The following MRAS variants were observed in gnomAD, a reference collection of about 807,000 sequenced individuals.
The protein encoded by MRAS is muscle RAS oncogene homolog.
A neutral mutation model predicts 20.9 loss-of-function variants in MRAS; 4 were observed. That is an observed-to-expected ratio of 0.19 (90% confidence interval 0.09 to 0.44). The LOEUF (loss-of-function observed/expected upper bound fraction) is 0.44, where lower values mean the gene tolerates loss of function less well. MRAS is among the 20% of genes least tolerant of loss of function. The probability of loss-of-function intolerance (pLI) is 0.99; values close to 1 mark genes in which losing one functional copy is unlikely to be tolerated. For synonymous variants in MRAS, 98 were observed against 102.9 expected, an observed-to-expected ratio of 0.95 and a Z score of 0.29; for missense variants, 154 against 277.5, an observed-to-expected ratio of 0.56 and a Z score of 3.16.
chr3:138,387,762 G>T (rs1451449146), intron 2 of MRAS, among the ~76,000 whole-genome samples: 1 of 152,126 alleles, frequency 6.6e-6, no homozygotes. Context: ...AGCATTGAGG[G>T]TTCTAGGTTC....
intron 1 of MRAS, among the ~76,000 whole-genome samples, chr3:138,351,177 G>A (rs1410155004): frequency 6.6e-6 from 1 of 152,126 alleles, no homozygotes; most frequent in African/African-American, 2.4e-5. Flanking sequence ...TTTAACCATT[G>A]TAATCTGTTC....
chr3:138,380,862 C>T lies in MRAS; in HGVS notation c.193+7786C>T, dbSNP rs1186098122. ...TCGGCTCACTGCAGCCTCCGCCTCC[C>T]GGGTTCAAGTGATTCTCCTGCCTCA... On this transcript the variant is annotated intron_variant, in intron 2 of 5. Coordinates refer to ENST00000423968, the MANE Select transcript of MRAS (RefSeq NM_001085049.3). Among the ~76,000 whole-genome samples, 7 of 150,370 alleles carry T rather than the reference C, an allele frequency of 4.7e-5. No homozygotes were observed. The East Asian group carries it at 9.9e-4, about 21-fold the overall frequency.
At chr3:138,355,886 G>A (rs900109792) in intron 1 of MRAS, among the ~76,000 whole-genome samples, 6 of 152,318 alleles carry the variant, frequency 3.9e-5, no homozygotes, top group East Asian at 1.9e-4. Flanking sequence ...AGCTGAGATC[G>A]CGCCACTGTG....
intron 2 of MRAS, 44 bp from the exon 3 acceptor site, chr3:138,397,280 A>C (rs1383717129): frequency 1.2e-6 from 2 of 1,603,194 alleles, no homozygotes; most frequent in African/African-American, 2.7e-5. Context: ...TGGGGGCTAC[A>C]GGGTAGGTGA....
Position 138,381,193 on chromosome 3 carries a change from T to G in MRAS, c.193+8117T>G, listed in dbSNP as rs928642489. ...ACCTTTTTGCTGTTATGAATAACGC[T>G]GCTATGAGCATGGTATATAAATATC... On this transcript the variant is annotated intron_variant, in intron 2 of 5. Transcript: ENST00000423968. Among the ~76,000 whole-genome samples, 6 of 152,376 alleles carry G rather than the reference T, an allele frequency of 3.9e-5. No individual in the cohort carries two copies. In the East Asian group the frequency reaches 7.7e-4, roughly 20 times the overall value.
chr3:138,375,661 G>A (rs958180604), intron 2 of MRAS, among the ~76,000 whole-genome samples: 4 of 152,160 alleles, frequency 2.6e-5, no homozygotes, highest in African/African-American at 9.7e-5. Context: ...AGCTGAGAAC[G>A]TAAATCTGGT....
At chr3:138,395,458 G>A (rs767892250) in intron 2 of MRAS, among the ~76,000 whole-genome samples, 133 of 151,664 alleles carry the variant, frequency 8.8e-4, no homozygotes, top group Admixed American at 4.5e-3. Flanking sequence ...TCCTTCACAC[G>A]CCCTTCACTC....
intron 2 of MRAS, among the ~76,000 whole-genome samples, chr3:138,375,939 G>A (rs1347923394): frequency 1.3e-5 from 2 of 152,020 alleles, no homozygotes; most frequent in Non-Finnish European, 2.9e-5. Flanking sequence ...AGTGAGCCGA[G>A]ACTGCGCCAC....
chr3:138,376,802 A>G (rs1236350246), intron 2 of MRAS, among the ~76,000 whole-genome samples: 1 of 152,214 alleles, frequency 6.6e-6, no homozygotes, highest in Non-Finnish European at 1.5e-5. Context: ...TAGTGATAGG[A>G]TACATTGTCC....
At chr3:138,386,277 C>G (rs752773782) in intron 2 of MRAS, among the ~76,000 whole-genome samples, 8 of 152,008 alleles carry the variant, frequency 5.3e-5, no homozygotes, top group Non-Finnish European at 7.4e-5. Context: ...ATTCTCCCCC[C>G]TCCTCAGTCC....
chr3:138,354,153 G>A (rs759711201), intron 1 of MRAS, among the ~76,000 whole-genome samples: 4 of 152,176 alleles, frequency 2.6e-5, no homozygotes, highest in Admixed American at 6.5e-5. Context: ...GAGAGGCAGC[G>A]AGTCCCTCGC....
At chr3:138,387,436 C>T (rs1243000198) in intron 2 of MRAS, among the ~76,000 whole-genome samples, 1 of 152,198 alleles carries the variant, frequency 6.6e-6, no homozygotes, top group Non-Finnish European at 1.5e-5. Context: ...TGCTCAAAGA[C>T]AGGCTGGTGT....
intron 2 of MRAS, among the ~76,000 whole-genome samples, chr3:138,384,140 G>A (rs79127008): frequency 0.013 from 1,992 of 152,276 alleles, 43 homozygotes; most frequent in African/African-American, 0.044. Flanking sequence ...AGCTGGAAGG[G>A]ATTGATCTCA....
At chr3:138,394,165 C>A (rs1350952603) in intron 2 of MRAS, among the ~76,000 whole-genome samples, 1 of 151,548 alleles carries the variant, frequency 6.6e-6, no homozygotes, top group Non-Finnish European at 1.5e-5. Flanking sequence ...CTGGGAAATA[C>A]TGGGGAAACT....
At chr3:138,397,617 A>G (rs2055268780) in intron 3 of MRAS, 140 bp downstream of exon 3, 1 of 1,015,996 alleles carries the variant, frequency 9.8e-7, no homozygotes, top group Non-Finnish European at 1.4e-6. Flanking sequence ...ATGTGGAGTA[A>G]TTAAATCATT....
chr3:138,377,942 T>C (rs2054819319), intron 2 of MRAS, among the ~76,000 whole-genome samples: 1 of 152,238 alleles, frequency 6.6e-6, no homozygotes. Context: ...ATTTCTGTTT[T>C]ATAGTTGAAG....
chr3:138,372,555 A>T (rs2054696779), intron 1 of MRAS, among the ~76,000 whole-genome samples: 1 of 152,200 alleles, frequency 6.6e-6, no homozygotes, highest in Non-Finnish European at 1.5e-5. Context: ...AGTAGAGTTT[A>T]GTGGCCAAAA....
At chr3:138,380,510 C>CT (rs1189886214) in intron 2 of MRAS, among the ~76,000 whole-genome samples, 2 of 128,378 alleles carry the variant, frequency 1.6e-5, no homozygotes, top group South Asian at 5.0e-4. Context: ...ATGGGGTTTC[C>CT]GTGTTGGCCA....
Position 138,368,354 on chromosome 3 carries a change from A to C in MRAS, c.-18-4512A>C, listed in dbSNP as rs1053306551. 5.3e-5 allele frequency among the ~76,000 whole-genome samples: 8 copies of C among 152,266 alleles called. No individual in the cohort carries two copies. The South Asian group carries it at 1.7e-3, about 32-fold the overall frequency. On this transcript the variant is annotated intron_variant, in intron 1 of 5. Transcript: ENST00000423968. Reference sequence around the variant, plus strand: ...TCTTGGGAGTAAAGTAAACAAGGTGAGAAAGTGAGCATTTGGGCATCTTCT... The same window carrying C: ...TCTTGGGAGTAAAGTAAACAAGGTGCGAAAGTGAGCATTTGGGCATCTTCT...
Sources: allele counts gnomAD v4.1 joint callset (sites outside exome capture counted in the v4.1 genomes callset), GRCh38; gene constraint gnomAD v4.1.1; transcripts MANE v1.5; gene names NCBI Gene and HGNC (gene_info 2026-07-23, HGNC 2026-07-21).